Variants in TEKT5 observed in about 807,000 individuals in gnomAD.
The protein encoded by TEKT5 is tektin 5.
Under a neutral mutation model 48.7 loss-of-function variants are expected in TEKT5, and 52 were observed. The ratio of observed to expected loss-of-function variants is 1.07; its 90% confidence interval spans 0.86 to 1.35. The LOEUF (loss-of-function observed/expected upper bound fraction) is 1.35, where lower values mean the gene tolerates loss of function less well. TEKT5 is among the 40% of genes most tolerant of loss of function. The probability of loss-of-function intolerance (pLI) is 0.00; values close to 1 mark genes in which losing one functional copy is unlikely to be tolerated. For synonymous variants in TEKT5, 318 were observed against 267.6 expected (o/e 1.19, Z -1.84); for missense variants, 831 against 641.6 (o/e 1.30, Z -3.19).
chr16:10,629,837 C>T (rs557402891), intron 6 of TEKT5, among the ~76,000 whole-genome samples: 1 of 152,224 alleles, frequency 6.6e-6, no homozygotes. Flanking sequence ...CAAGGTCTGG[C>T]GCCCCTTGCA....
At chr16:10,683,433 G>C (rs1369366650) in intron 3 of TEKT5, among the ~76,000 whole-genome samples, 1 of 152,192 alleles carries the variant, frequency 6.6e-6, no homozygotes, top group Non-Finnish European at 1.5e-5. Context: ...ATCAGGGCCA[G>C]GGCTTAAGCC....
intron 5 of TEKT5, among the ~76,000 whole-genome samples, chr16:10,672,093 G>A (rs1219105836): frequency 1.3e-5 from 2 of 152,114 alleles, no homozygotes; most frequent in Non-Finnish European, 2.9e-5. Flanking sequence ...TTGTGGTGAT[G>A]GATGCACAAT....
chr16:10,684,630 A>G (rs934867711), intron 3 of TEKT5, among the ~76,000 whole-genome samples: 1 of 152,158 alleles, frequency 6.6e-6, no homozygotes, highest in Non-Finnish European at 1.5e-5. Context: ...AAGCGAGGCC[A>G]GGATGTGGAA....
At chr16:10,664,127 G>A (rs1898420660) in intron 5 of TEKT5, among the ~76,000 whole-genome samples, 1 of 152,170 alleles carries the variant, frequency 6.6e-6, no homozygotes, top group African/African-American at 2.4e-5. Context: ...TTAATTGTGT[G>A]TTTGCTTATT....
intron 5 of TEKT5, among the ~76,000 whole-genome samples, chr16:10,659,504 C>T (rs185748080): frequency 1.3e-4 from 20 of 152,060 alleles, no homozygotes; most frequent in Admixed American, 7.9e-4. Flanking sequence ...CTCAGCCTCC[C>T]GAGTAGCTGG....
chr16:10,642,962 G>A (rs980024478), intron 5 of TEKT5, among the ~76,000 whole-genome samples: 1 of 152,206 alleles, frequency 6.6e-6, no homozygotes, highest in South Asian at 2.1e-4. Context: ...CAAATAGCTA[G>A]AAGGCGGATA....
intron 5 of TEKT5, among the ~76,000 whole-genome samples, chr16:10,658,697 G>A (rs1898306208): frequency 6.7e-6 from 1 of 149,484 alleles, no homozygotes; most frequent in South Asian, 2.1e-4. Flanking sequence ...GACATTCAGT[G>A]ACATTTAGGA....
chr16:10,681,991 AC>A lies in TEKT5; in HGVS notation c.863+1del, dbSNP rs1410220036. 1 of 1,613,824 alleles carries A rather than the reference AC, an allele frequency of 6.2e-7. No homozygotes were observed. Among genetic ancestry groups the A allele is most frequent in the South Asian group, 1.1e-5 (1 of 91,028 alleles). On this transcript the variant is annotated splice_donor_variant, in intron 4 of 6. Transcript: ENST00000283025. LOFTEE classifies it high-confidence loss of function. ...GATGGGGAGGGGGAGTCTGATACTT[AC>A]GTGCCGTCAATTTTCTCCATGCCGT...
At chr16:10,639,550 A>T (rs74007184) in intron 5 of TEKT5, among the ~76,000 whole-genome samples, 3,431 of 152,324 alleles carry the variant, frequency 0.023, 133 homozygotes, top group African/African-American at 0.079. Flanking sequence ...GTGACAAGAA[A>T]AAAATGGAAT....
At chr16:10,629,673 G>T (rs1420646888) in intron 6 of TEKT5, among the ~76,000 whole-genome samples, 2 of 152,356 alleles carry the variant, frequency 1.3e-5, no homozygotes, top group East Asian at 3.9e-4. Context: ...GGCTGCTAAT[G>T]GCTCACAGGT....
intron 4 of TEKT5, among the ~76,000 whole-genome samples, chr16:10,679,830 G>T (rs1290752415): frequency 1.3e-5 from 2 of 152,126 alleles, no homozygotes; most frequent in East Asian, 1.9e-4. Context: ...CCAGGAGATG[G>T]AGGCTGTGGT....
chr16:10,631,382 T>A (rs1897839783), intron 6 of TEKT5, among the ~76,000 whole-genome samples: 1 of 144,100 alleles, frequency 6.9e-6, no homozygotes. Flanking sequence ...AACAGGGGAA[T>A]GGCATGCTGA....
At chr16:10,689,412 T>C (rs1596422092) in intron 2 of TEKT5, 89 bp from the exon 3 acceptor site, 3 of 1,137,640 alleles carry the variant, frequency 2.6e-6, no homozygotes, top group Admixed American at 2.0e-5. Context: ...TCCCCTCCCC[T>C]CTCACTGACC....
intron 5 of TEKT5, among the ~76,000 whole-genome samples, chr16:10,671,228 G>C (rs1898543722): frequency 6.6e-6 from 1 of 152,184 alleles, no homozygotes; most frequent in Non-Finnish European, 1.5e-5. Flanking sequence ...TCACAGGTGA[G>C]AAACCAGGTA....
intron 6 of TEKT5, 144 bp downstream of exon 6, chr16:10,635,620 T>C (rs1339146635): frequency 1.4e-5 from 18 of 1,281,260 alleles, no homozygotes; most frequent in Admixed American, 2.2e-5. Context: ...CACCCTGCAC[T>C]CTACTGAGTT....
chr16:10,649,809 A>C (rs1898124642), intron 5 of TEKT5, among the ~76,000 whole-genome samples: 1 of 152,202 alleles, frequency 6.6e-6, no homozygotes, highest in Non-Finnish European at 1.5e-5. Flanking sequence ...TGGCACACGA[A>C]TATGGTAAAA....
chr16:10,659,603 TGCCC>T (rs1898326554), intron 5 of TEKT5, among the ~76,000 whole-genome samples: 1 of 152,144 alleles, frequency 6.6e-6, no homozygotes, highest in African/African-American at 2.4e-5. Flanking sequence ...CCTCGTGATC[TGCCC>T]GCCTCAACCT....
At chr16:10,684,616 T>C (rs4780980) in intron 3 of TEKT5, among the ~76,000 whole-genome samples, 6 of 151,786 alleles carry the variant, frequency 4.0e-5, no homozygotes, top group Admixed American at 6.6e-5. Flanking sequence ...TGAGCTGGAA[T>C]GTGAAGCGAG....
At chr16:10,659,142 G>A (rs545555695) in intron 5 of TEKT5, among the ~76,000 whole-genome samples, 93 of 152,216 alleles carry the variant, frequency 6.1e-4, no homozygotes, top group Admixed American at 3.0e-3. Context: ...ACCACATTGC[G>A]AAATATCCCC....
Sources: allele counts gnomAD v4.1 joint callset (sites outside exome capture counted in the v4.1 genomes callset), GRCh38; gene constraint gnomAD v4.1.1; transcripts MANE v1.5; gene names NCBI Gene and HGNC (gene_info 2026-07-23, HGNC 2026-07-21).